GAN: variants seen among roughly 807,000 people sequenced by gnomAD.
GAN encodes the protein gigaxonin.
Under a neutral mutation model 71.3 loss-of-function variants are expected in GAN, and 48 were observed. The observed-to-expected ratio is 0.67, with a 90% confidence interval of 0.53 to 0.86. The LOEUF (loss-of-function observed/expected upper bound fraction) is 0.86. Among genes scored for constraint, GAN ranks in the 40% least tolerant of loss-of-function variants. The probability of loss-of-function intolerance (pLI) is 0.00; values close to 1 mark genes in which losing one functional copy is unlikely to be tolerated. For synonymous variants in GAN, 386 were observed against 276.8 expected (o/e 1.39, Z -3.92); for missense variants, 928 against 770.1 (o/e 1.21, Z -2.43).
At chr16:81,368,416 T>G (rs1910930767) in intron 9 of GAN, among the ~76,000 whole-genome samples, 1 of 152,206 alleles carries the variant, frequency 6.6e-6, no homozygotes, top group Non-Finnish European at 1.5e-5. Flanking sequence ...CTGAGTAACA[T>G]AGTGAGACCT....
At position 81,365,106 on chromosome 16, in the gene GAN, A is replaced by T; in HGVS notation, c.1369A>T (p.Arg457Trp). The change falls in exon 8 of 11, where the codon AGG (arginine) becomes TGG (tryptophan). Residue 457 changes from arginine (R) to tryptophan (W), a missense_variant. Transcript: ENST00000648994. ...GACTGCCATATGTCCACTAAAAGAG[A>T]GGAGGTACGTGGCTGTGGGGTGGAC... ...QWTAICPLKE[R>W]RFGAVACGVA... 6.2e-7 allele frequency: 1 copy of T among 1,613,732 alleles called. No homozygotes were observed. The highest frequency in any genetic ancestry group is 8.5e-7 in the Non-Finnish European group (1 of 1,179,858).
Position 81,377,800 on chromosome 16 carries a change from G to A in GAN, c.*204G>A. The A allele has an allele frequency of 1.7e-6, 1 of 603,426 alleles. No individual in the cohort carries two copies. Among genetic ancestry groups the A allele is most frequent in the Non-Finnish European group, 3.0e-6 (1 of 337,424 alleles). The allele number at this position is 603,426 out of a possible 1,614,324, so 37.4% of individuals were successfully genotyped here. ...ACTGTTGAAAAACTACCTGGGAGGAGTGAGTTCCTCCAGTTAAATGTGGCT... is the reference window on the plus strand; with the variant it reads ...ACTGTTGAAAAACTACCTGGGAGGAATGAGTTCCTCCAGTTAAATGTGGCT... On this transcript the variant is annotated 3_prime_UTR_variant, in exon 11 of 11. Coordinates refer to ENST00000648994, the MANE Select transcript of GAN (RefSeq NM_022041.4).
chr16:81,363,820 G>C lies in GAN; in HGVS notation c.1113G>C (p.Glu371Asp). 1 of 1,613,506 alleles carries C rather than the reference G, an allele frequency of 6.2e-7. No individual in the cohort carries two copies. The highest frequency in any genetic ancestry group is 8.5e-7 in the Non-Finnish European group (1 of 1,179,384). The part of the protein sequence containing the change: ...NEARHNFGIV[E>D]IDGMLYILGG... ...CAAGACATAACTTCGGAATTGTGGA[G>C]ATAGATGGGATGCTGTACATTTTGG... The change falls in exon 7 of 11, where the codon GAG (glutamate) becomes GAC (aspartate). Residue 371 changes from glutamate (E) to aspartate (D), a missense_variant. Transcript: ENST00000648994.
intron 1 of GAN, among the ~76,000 whole-genome samples, chr16:81,329,274 A>G (rs1296840371): frequency 6.6e-6 from 1 of 152,044 alleles, no homozygotes; most frequent in Admixed American, 6.5e-5. Flanking sequence ...CACATGTTGA[A>G]CAAACGCATC....
At chr16:81,326,613 A>G (rs1909398033) in intron 1 of GAN, among the ~76,000 whole-genome samples, 1 of 152,248 alleles carries the variant, frequency 6.6e-6, no homozygotes, top group Non-Finnish European at 1.5e-5. Context: ...GTTCTGAGAA[A>G]TACATCATTG....
intron 1 of GAN, among the ~76,000 whole-genome samples, chr16:81,348,835 A>G (rs915334587): frequency 6.6e-6 from 1 of 152,222 alleles, no homozygotes; most frequent in East Asian, 1.9e-4. Flanking sequence ...GGGCTGATCA[A>G]GTCCTCCAGA....
In GAN at chr16:81,381,765, G is replaced by A. The variant is rs933365191; in HGVS notation, c.*4169G>A. 2.6e-5 allele frequency: 4 copies of A among 152,202 alleles called. No homozygotes were observed. The highest frequency in any genetic ancestry group is 5.9e-5 in the Non-Finnish European group (4 of 68,052). 9.4% of individuals were successfully genotyped at this position (152,202 alleles called of 1,614,324 possible). A position where few individuals can be genotyped will look rare whatever the true frequency, so the allele number is the denominator to read the frequency against. The stretch of plus-strand genomic sequence containing the variant: ...TTTGACAAATAAATATAAGATTCTT[G>A]TGATCAAAGTAATGTTCTTCTGTTG... On this transcript the variant is annotated 3_prime_UTR_variant, in exon 11 of 11. Transcript: ENST00000648994.
rs566486868 is a variant in GAN at position 81,385,106 on chromosome 16, G to A, written c.*7510G>A. ...TATAGCCAAGTTTAACTGTCGTTGT[G>A]TATTAATAAGATTTAATTTTTATGC... is the stretch of plus-strand genomic sequence containing the variant. On this transcript the variant is annotated 3_prime_UTR_variant, in exon 11 of 11. Coordinates refer to ENST00000648994, the MANE Select transcript of GAN (RefSeq NM_022041.4). 9.8e-5 allele frequency: 15 copies of A among 153,628 alleles called. No individual in the cohort carries two copies. Among genetic ancestry groups the A allele is most frequent in the Non-Finnish European group, 2.9e-5 (2 of 68,186 alleles). 9.5% of individuals were successfully genotyped at this position (153,628 alleles called of 1,614,324 possible).
At chr16:81,353,655 C>A (rs9921359) in intron 2 of GAN, among the ~76,000 whole-genome samples, 62,589 of 152,064 alleles carry the variant, frequency 0.41, 13,549 homozygotes, top group Middle Eastern at 0.53. Flanking sequence ...GCTTTGGGGT[C>A]GTCCACTTAG....
chr16:81,315,715 G>A (rs972983344), intron 1 of GAN, among the ~76,000 whole-genome samples: 1 of 152,228 alleles, frequency 6.6e-6, no homozygotes, highest in Admixed American at 6.5e-5. Flanking sequence ...CGCGGTCCCC[G>A]CTGAAGTTCG....
chr16:81,375,449 A>G (rs573905777), intron 9 of GAN, among the ~76,000 whole-genome samples: 1 of 145,414 alleles, frequency 6.9e-6, no homozygotes, highest in African/African-American at 2.6e-5. Context: ...CAATCCTCCC[A>G]CCTCAGCCTG....
chr16:81,349,452 C>A (rs1428723816), intron 1 of GAN, among the ~76,000 whole-genome samples: 1 of 151,902 alleles, frequency 6.6e-6, no homozygotes, highest in Non-Finnish European at 1.5e-5. Context: ...GAAACCAGCC[C>A]GGGCAAGATG....
Position 81,353,953 on chromosome 16 carries a change from C to G in GAN, c.283-452C>G, listed in dbSNP as rs144536540. Among the ~76,000 whole-genome samples the G allele has an allele frequency of 3.5e-3, 533 of 152,296 alleles. 5 individuals are homozygous for G. The highest frequency in any genetic ancestry group is 0.012 in the African/African-American group (501 of 41,568). ...CCTCTCCCTTCAAGGGGTTAGCATT[C>G]AGGTTGGCATGCCATTTAGCGGAAG... is the stretch of plus-strand genomic sequence containing the variant. On this transcript the variant is annotated intron_variant, in intron 2 of 10. Coordinates refer to ENST00000648994, the MANE Select transcript of GAN (RefSeq NM_022041.4).
chr16:81,364,264 C>G (rs1910775021), intron 7 of GAN, among the ~76,000 whole-genome samples: 1 of 151,226 alleles, frequency 6.6e-6, no homozygotes, highest in African/African-American at 2.5e-5. Context: ...CTCTTACTCT[C>G]TCTCTCTCTT....
chr16:81,377,861 A>G lies in GAN; in HGVS notation c.*265A>G. On this transcript the variant is annotated 3_prime_UTR_variant, in exon 11 of 11. Coordinates refer to ENST00000648994, the MANE Select transcript of GAN (RefSeq NM_022041.4). ...GAGGCTAGGGAGGCTAGTAAATATC[A>G]AAAGGAAAAGGGAGTGGGAATTGCT... The G allele has an allele frequency of 1.9e-6, 1 of 514,828 alleles. No individual in the cohort carries two copies. Among genetic ancestry groups the G allele is most frequent in the Non-Finnish European group, 3.5e-6 (1 of 285,100 alleles). 31.9% of individuals were successfully genotyped at this position (514,828 alleles called of 1,614,324 possible).
intron 1 of GAN, among the ~76,000 whole-genome samples, chr16:81,340,977 TGAGAACTTCATGAAGTA>T (rs1909922207): frequency 6.6e-6 from 1 of 151,658 alleles, no homozygotes; most frequent in Non-Finnish European, 1.5e-5. Context: ...AACCACAGTA[TGAGAACTTCATGAAGTA>T]TACACAAGCT....
rs199515586 is a variant in GAN, at chr16:81,365,475, A to G, written c.1499A>G (p.Lys500Arg). The part of the protein sequence containing the change: ...CKSEFYHDEF[K>R]RWIYLNDQNL... Reference sequence around the variant, plus strand: ...TCCGAGTTCTACCATGATGAGTTTAAAAGGTAACTAAGAATGGTTTCACAT... The same window carrying G: ...TCCGAGTTCTACCATGATGAGTTTAGAAGGTAACTAAGAATGGTTTCACAT... The change falls in exon 9 of 11, where the codon AAA becomes AGA. Residue 500 changes from lysine to arginine, a missense_variant. Physicochemically the swap from Lys to Arg is conservative, Grantham distance 26. Coordinates refer to ENST00000648994, the MANE Select transcript of GAN (RefSeq NM_022041.4). The G allele has an allele frequency of 1.8e-5, 29 of 1,613,432 alleles. No homozygotes were observed. The highest frequency in any genetic ancestry group is 2.4e-5 in the Non-Finnish European group (28 of 1,179,830).
In GAN at chr16:81,364,987, C is replaced by A; in HGVS notation, c.1250C>A (p.Ala417Glu). ...LTMVRKIGCY[A>E]AMKKKIYAMG... ...CTCTGCTTTCAGATCGGCTGCTATGCAGCTATGAAAAAGAAAATCTACGCC... is the reference window on the plus strand; with the variant it reads ...CTCTGCTTTCAGATCGGCTGCTATGAAGCTATGAAAAAGAAAATCTACGCC... Residue 417 changes from alanine (A) to glutamate (E), a missense_variant, in exon 8 of 11, where the codon GCA (alanine) becomes GAA (glutamate). Coordinates refer to ENST00000648994, the MANE Select transcript of GAN (RefSeq NM_022041.4). The A allele has an allele frequency of 6.2e-7, 1 of 1,613,998 alleles. No homozygotes were observed. Among genetic ancestry groups the A allele is most frequent in the Non-Finnish European group, 8.5e-7 (1 of 1,179,880 alleles).
Position 81,354,654 on chromosome 16 carries a change from C to G in GAN, c.532C>G (p.Leu178Val). Reference sequence around the variant, plus strand: ...ATTCTTAGAGCTGAGTCCTCAAAAGCTTAAAGAAGTGATTTCTCTTGAGAA... The same window carrying G: ...ATTCTTAGAGCTGAGTCCTCAAAAGGTTAAAGAAGTGATTTCTCTTGAGAA... Reference protein sequence around the residue: ...EEFLELSPQKLKEVISLEKLN... With the variant: ...EEFLELSPQKVKEVISLEKLN... The change falls in exon 3 of 11, where the codon CTT becomes GTT. Residue 178 changes from leucine to valine, a missense_variant. Physicochemically the swap from Leu to Val is conservative, Grantham distance 32. Transcript: ENST00000648994. 6.2e-7 allele frequency: 1 copy of G among 1,613,530 alleles called. No homozygotes were observed. Among genetic ancestry groups the G allele is most frequent in the Non-Finnish European group, 8.5e-7 (1 of 1,179,454 alleles).
Sources: allele counts gnomAD v4.1 joint callset (sites outside exome capture counted in the v4.1 genomes callset), GRCh38; gene constraint gnomAD v4.1.1; transcripts MANE v1.5; gene names NCBI Gene and HGNC (gene_info 2026-07-23, HGNC 2026-07-21).